Variants in CLPB observed in about 807,000 individuals in gnomAD.
The protein encoded by CLPB is mitochondrial disaggregase.
Under a neutral mutation model 78.4 loss-of-function variants are expected in CLPB, and 40 were observed. The observed-to-expected ratio is 0.51, with a 90% CI of 0.40 to 0.66. The LOEUF is 0.66. Among genes scored for constraint, CLPB ranks in the 30% least tolerant of loss-of-function variants. The pLI is 0.00. For synonymous variants in CLPB, 333 were observed against 348.0 expected (o/e 0.96, Z 0.48); for missense variants, 780 against 886.9 (o/e 0.88, Z 1.53).
At position 72,380,268 on chromosome 11, in the gene CLPB, A is replaced by C; in HGVS notation, c.646+13T>G. ...AGGAGAGCTCTCAGAGAAGCAGGAC[A>C]GCCCACACTTACCTTCCAAAGAATG... On this transcript the variant is annotated intron_variant, in intron 4 of 15. Transcript: ENST00000538039. 6.3e-7 allele frequency: 1 copy of C among 1,594,504 alleles called. No homozygotes were observed. Among genetic ancestry groups the C allele is most frequent in the Non-Finnish European group, 8.6e-7 (1 of 1,162,068 alleles).
chr11:72,431,470 C>A (rs1040361727), intron 1 of CLPB, among the ~76,000 whole-genome samples: 5 of 152,220 alleles, frequency 3.3e-5, no homozygotes, highest in African/African-American at 1.2e-4. Context: ...CCTAGCCCAC[C>A]TATCTAACCT....
chr11:72,391,145 A>G (rs1855244713), intron 3 of CLPB, among the ~76,000 whole-genome samples: 1 of 152,170 alleles, frequency 6.6e-6, no homozygotes, highest in Non-Finnish European at 1.5e-5. Context: ...TCTAATTCCT[A>G]TATGATCTAG....
In CLPB at chr11:72,288,616, C is replaced by T. The variant is rs1313660528; in HGVS notation, c.*4751G>A. ...AGCAAACAAACAATACTTTTCTGTT[C>T]CAGAGCCCACTGAGAAGATCTGCAC... On this transcript the variant is annotated 3_prime_UTR_variant, in exon 16 of 16. Transcript: ENST00000538039. The T allele has an allele frequency of 6.6e-6, 1 of 152,236 alleles. No individual in the cohort carries two copies. Among genetic ancestry groups the T allele is most frequent in the African/African-American group, 2.4e-5 (1 of 41,458 alleles). 9.4% of individuals were successfully genotyped at this position (152,236 alleles called of 1,614,324 possible). A position where few individuals can be genotyped will look rare whatever the true frequency, so the allele number is the denominator to read the frequency against.
intron 11 of CLPB, among the ~76,000 whole-genome samples, chr11:72,297,238 A>G (rs1284931111): frequency 6.6e-6 from 1 of 152,336 alleles, no homozygotes; most frequent in African/African-American, 2.4e-5. Flanking sequence ...TGAGCCAGGG[A>G]TGCTGGGCCC....
intron 6 of CLPB, among the ~76,000 whole-genome samples, chr11:72,324,057 T>A (rs1950090271): frequency 6.6e-6 from 1 of 152,122 alleles, no homozygotes. Context: ...GAATTAATTG[T>A]ACTATCTCTA....
At chr11:72,329,495 C>A (rs926376222) in intron 6 of CLPB, among the ~76,000 whole-genome samples, 6 of 152,176 alleles carry the variant, frequency 3.9e-5, no homozygotes, top group Non-Finnish European at 7.4e-5. Context: ...ATGATAGGGG[C>A]AGCTTCCTAT....
At chr11:72,311,115 T>G (rs1439760654) in intron 7 of CLPB, 1 of 152,096 alleles carries the variant, frequency 6.6e-6, no homozygotes, top group Non-Finnish European at 1.5e-5. Flanking sequence ...TAATAATATC[T>G]GAAGAGAAAA....
rs756675072 is a variant in CLPB, at chr11:72,434,444, C to T, written c.31G>A (p.Ala11Thr). 2 of 1,570,982 alleles carry T rather than the reference C, an allele frequency of 1.3e-6. No individual in the cohort carries two copies. The highest frequency in any genetic ancestry group is 2.3e-5 in the East Asian group (1 of 44,358). MLGSLVLRRK[A>T]LAPRLLLRLL... ...CGGAGGAGTAGCCGTGGCGCCAGTGCTTTTCTCCTCAACACCAGGGACCCC... is the reference window on the plus strand; with the variant it reads ...CGGAGGAGTAGCCGTGGCGCCAGTGTTTTTCTCCTCAACACCAGGGACCCC... The change falls in exon 1 of 16, where the codon GCA becomes ACA. Residue 11 changes from alanine (A) to threonine (T), a missense_variant. By Grantham distance (58) the Ala-to-Thr change is moderately conservative. Transcript: ENST00000538039.
chr11:72,429,145 G>A (rs1369856134), intron 2 of CLPB: 2 of 152,194 alleles, frequency 1.3e-5, no homozygotes, highest in Non-Finnish European at 2.9e-5. Context: ...CTGCAGTTAT[G>A]AATGGCTCTT....
chr11:72,424,748 C>T (rs112699331), intron 2 of CLPB, among the ~76,000 whole-genome samples: 15,689 of 152,018 alleles, frequency 0.1, 1,395 homozygotes, highest in African/African-American at 0.24. Context: ...TAGCCGGGCG[C>T]GTTGGCGGGC....
intron 5 of CLPB, among the ~76,000 whole-genome samples, chr11:72,346,579 C>A (rs1187589845): frequency 1.3e-5 from 2 of 149,558 alleles, no homozygotes; most frequent in African/African-American, 5.0e-5. Context: ...TAAGAAAATG[C>A]TATATGTTAA....
At chr11:72,421,303 C>T (rs772394199) in intron 2 of CLPB, among the ~76,000 whole-genome samples, 1 of 152,158 alleles carries the variant, frequency 6.6e-6, no homozygotes, top group African/African-American at 2.4e-5. Flanking sequence ...CTTCTTGCCC[C>T]TCCTTCCCTA....
chr11:72,432,550 C>A (rs948710240), intron 1 of CLPB, among the ~76,000 whole-genome samples: 1 of 152,174 alleles, frequency 6.6e-6, no homozygotes, highest in Non-Finnish European at 1.5e-5. Flanking sequence ...CCTGCACTGT[C>A]CCCTTGACTG....
At chr11:72,305,712 A>G (rs1235895700) in intron 9 of CLPB, among the ~76,000 whole-genome samples, 1 of 152,216 alleles carries the variant, frequency 6.6e-6, no homozygotes, top group African/African-American at 2.4e-5. Flanking sequence ...ATCATCCTGC[A>G]CTGGGGTGAA....
intron 3 of CLPB, among the ~76,000 whole-genome samples, chr11:72,388,867 G>A (rs934997290): frequency 2.6e-5 from 4 of 152,118 alleles, no homozygotes; most frequent in African/African-American, 9.7e-5. Context: ...GCAGAAACAC[G>A]GTAGAAGGCT....
intron 3 of CLPB, among the ~76,000 whole-genome samples, chr11:72,383,703 A>C (rs908854503): frequency 1.3e-5 from 2 of 152,046 alleles, no homozygotes; most frequent in African/African-American, 4.8e-5. Context: ...TGAAAAAAAA[A>C]CCCTGCCAAC....
chr11:72,368,807 A>G (rs982525796), intron 4 of CLPB, among the ~76,000 whole-genome samples: 6 of 152,188 alleles, frequency 3.9e-5, no homozygotes, highest in Non-Finnish European at 8.8e-5. Flanking sequence ...ATGGTCAAGT[A>G]GGTTGGCCGA....
At chr11:72,337,028 G>C (rs562407313) in intron 5 of CLPB, 66 of 398,796 alleles carry the variant, frequency 1.7e-4, no homozygotes, top group South Asian at 1.3e-3. Context: ...TCAGCCTCAG[G>C]GTCCTGGCCT....
intron 2 of CLPB, among the ~76,000 whole-genome samples, chr11:72,412,633 C>G (rs903905631): frequency 1.1e-4 from 17 of 152,210 alleles, no homozygotes; most frequent in African/African-American, 4.1e-4. Context: ...TCACACTACC[C>G]TCTCTGAACC....
Sources: gnomAD v4.1 joint callset for allele counts (sites outside exome capture counted in the v4.1 genomes callset) on GRCh38, gnomAD v4.1.1 for gene constraint, MANE v1.5 for transcripts, NCBI Gene and HGNC (gene_info 2026-07-23, HGNC 2026-07-21) for gene names.